The following ESF1 variants were observed in gnomAD, a reference collection of about 807,000 sequenced individuals.
ESF1 encodes ESF1 homolog.
In ESF1, 58 loss-of-function variants were observed where a neutral mutation model predicts 92.0. That is an observed-to-expected ratio of 0.63 (90% CI 0.51 to 0.78). ESF1 has a LOEUF of 0.78. ESF1 is among the 30% of genes least tolerant of loss of function. ESF1 has a pLI of 0.00. For missense variants in ESF1, 922 were observed against 989.1 expected, an observed-to-expected ratio of 0.93 and a Z score of 0.91; for synonymous variants, 321 against 313.7, an observed-to-expected ratio of 1.02 and a Z score of -0.24.
At chr20:13,739,721 C>CAAAA (rs112560154) in intron 9 of ESF1, among the ~76,000 whole-genome samples, 1 of 77,934 alleles carries the variant, frequency 1.3e-5, no homozygotes, top group Admixed American at 1.4e-4. Flanking sequence ...TAAGAAAGTT[C>CAAAA]AAAAAAAAAA....
At chr20:13,775,723 A>G in intron 3 of ESF1, 150 bp downstream of exon 3, 2 of 888,722 alleles carry the variant, frequency 2.3e-6, no homozygotes, top group Non-Finnish European at 3.2e-6. Flanking sequence ...TCTAGTTCAT[A>G]TAATTATATT....
intron 9 of ESF1, among the ~76,000 whole-genome samples, chr20:13,746,078 C>T (rs1303157329): frequency 6.6e-6 from 1 of 152,066 alleles, no homozygotes; most frequent in Admixed American, 6.6e-5. Flanking sequence ...GATTCTCAAG[C>T]CTCAGCCACC....
At chr20:13,759,226 G>T (rs1260547498) in intron 9 of ESF1, among the ~76,000 whole-genome samples, 2 of 152,122 alleles carry the variant, frequency 1.3e-5, no homozygotes, top group African/African-American at 4.8e-5. Flanking sequence ...TTTTGTACTA[G>T]TACTATTTTA....
Position 13,782,098 on chromosome 20 carries a change from G to T in ESF1, c.637+406C>A, listed in dbSNP as rs1600298842. On this transcript the variant is annotated intron_variant, in intron 2 of 13. Transcript: ENST00000617257. ...TCACCATGTTGGCCAGGCTGGTCTTGAACTCCTGACCTCAAGTGATCTGCC... is the reference window on the plus strand; with the variant it reads ...TCACCATGTTGGCCAGGCTGGTCTTTAACTCCTGACCTCAAGTGATCTGCC... Among the ~76,000 whole-genome samples the T allele has an allele frequency of 2.0e-5, 3 of 152,160 alleles. No homozygotes were observed. The South Asian group carries it at 6.2e-4, about 32-fold the overall frequency.
chr20:13,772,573 G>A lies in ESF1; in HGVS notation c.1192C>T (p.Gln398Ter). The A allele has an allele frequency of 6.2e-7, 1 of 1,612,898 alleles. No individual in the cohort carries two copies. The highest frequency in any genetic ancestry group is 8.5e-7 in the Non-Finnish European group (1 of 1,179,468). ...AATAGCTCTACTGGTCCTTGAACTTGCTCTTCCTTCATCCTCTCCTTTCCA... is the reference window on the plus strand; with the variant it reads ...AATAGCTCTACTGGTCCTTGAACTTACTCTTCCTTCATCCTCTCCTTTCCA... ...EFGKERMKEEQVQGPVELLSI... is the reference protein window; with the variant it reads ...EFGKERMKEE The change falls in exon 5 of 14, where the codon CAA becomes TAA. Residue 398 changes from glutamine (Q) to a stop codon, truncating the protein, a stop_gained. Coordinates refer to ENST00000617257, the MANE Select transcript of ESF1 (RefSeq NM_001276380.2). LOFTEE classifies it high-confidence loss of function.
At chr20:13,782,427 T>C (rs1005394135) in intron 2 of ESF1, 77 bp downstream of exon 2, 13 of 1,200,086 alleles carry the variant, frequency 1.1e-5, no homozygotes, top group Non-Finnish European at 1.5e-5. Flanking sequence ...TACTTATTAA[T>C]GTGTTTACAT....
At chr20:13,775,352 C>T (rs576142836) in intron 3 of ESF1, 82 bp from the exon 4 acceptor site, 2 of 823,726 alleles carry the variant, frequency 2.4e-6, no homozygotes, top group East Asian at 2.5e-5. Flanking sequence ...AAATGTAATG[C>T]CTTCTGTCCC....
rs770601325 is a variant in ESF1 at position 13,782,677 on chromosome 20, T to C, written c.464A>G (p.Lys155Arg). Residue 155 changes from lysine (K) to arginine (R), a missense_variant, in exon 2 of 14, where the codon AAG becomes AGG. Coordinates refer to ENST00000617257, the MANE Select transcript of ESF1 (RefSeq NM_001276380.2). ...TTGTGTAAATTCTTTGCTATCCTTCTTCGGACTTATGTTTGAATCTATCTT... is the reference window on the plus strand; with the variant it reads ...TTGTGTAAATTCTTTGCTATCCTTCCTCGGACTTATGTTTGAATCTATCTT... ...KFKIDSNISP[K>R]KDSKEFTQKN... 1 of 1,599,210 alleles carries C rather than the reference T, an allele frequency of 6.3e-7. No homozygotes were observed. The highest frequency in any genetic ancestry group is 1.2e-5 in the South Asian group (1 of 86,496).
At chr20:13,718,073 C>T (rs773278278) in intron 12 of ESF1, among the ~76,000 whole-genome samples, 6 of 151,598 alleles carry the variant, frequency 4.0e-5, no homozygotes, top group African/African-American at 7.3e-5. Context: ...GTATTTTCTA[C>T]CAGCCATGGG....
chr20:13,733,665 C>T, intron 10 of ESF1, 56 bp downstream of exon 10: 1 of 1,544,910 alleles, frequency 6.5e-7, no homozygotes, highest in Non-Finnish European at 8.8e-7. Flanking sequence ...GCACCTGGTA[C>T]CATCTGATAT....
At chr20:13,732,078 C>T (rs1410439254) in intron 10 of ESF1, among the ~76,000 whole-genome samples, 3 of 152,184 alleles carry the variant, frequency 2.0e-5, no homozygotes, top group East Asian at 1.9e-4. Flanking sequence ...AAGAGGGGGT[C>T]GTGGGAACCC....
At position 13,715,046 on chromosome 20, in the gene ESF1, C is replaced by T. The variant is rs140729217; in HGVS notation, c.2384G>A (p.Arg795Gln). Residue 795 changes from arginine (R) to glutamine (Q), a missense_variant, in exon 14 of 14, where the codon CGG (arginine) becomes CAG (glutamine). Coordinates refer to ENST00000617257, the MANE Select transcript of ESF1 (RefSeq NM_001276380.2). ...AMEKILEEKA[R>Q]QRERKEQELT... ...TTCTTGTTCTTTCCGTTCTCTTTGC[C>T]GGGCCTTCTCCTCAAGGATTTTTTC... The T allele has an allele frequency of 9.4e-5, 152 of 1,613,714 alleles. No homozygotes were observed. In the African/African-American group the frequency reaches 1.7e-3, roughly 18 times the overall value.
At chr20:13,761,090 T>G (rs1292232917) in intron 8 of ESF1, among the ~76,000 whole-genome samples, 18 of 152,118 alleles carry the variant, frequency 1.2e-4, no homozygotes. Flanking sequence ...CCCCCAACCC[T>G]GTGCTCTCTG....
rs967013147 is a variant in ESF1 at position 13,782,590 on chromosome 20, T to C, written c.551A>G (p.Lys184Arg). 2 of 1,594,838 alleles carry C rather than the reference T, an allele frequency of 1.3e-6. No homozygotes were observed. The highest frequency in any genetic ancestry group is 2.7e-5 in the African/African-American group (2 of 73,624). ...GGTGCCTGAGTCTAATGTCCTTTGT[T>C]TTTCTTCGAGAGAAGAGTCTGTAGT... ...QHTTDSSLEE[K>R]QRTLDSGTSE... is the part of the protein sequence containing the mutation. Residue 184 changes from lysine (K) to arginine (R), a missense_variant, in exon 2 of 14, where the codon AAA becomes AGA. Coordinates refer to ENST00000617257, the MANE Select transcript of ESF1 (RefSeq NM_001276380.2).
intron 1 of ESF1, among the ~76,000 whole-genome samples, chr20:13,783,666 T>C (rs528242803): frequency 6.6e-6 from 1 of 152,200 alleles, no homozygotes; most frequent in African/African-American, 2.4e-5. Flanking sequence ...AATACAAAAA[T>C]GAGCCCGGCA....
chr20:13,775,346 G>C (rs1040642854), intron 3 of ESF1, 76 bp from the exon 4 acceptor site: 2 of 943,746 alleles, frequency 2.1e-6, no homozygotes, highest in African/African-American at 1.7e-5. Context: ...TTCTAAAAAT[G>C]TAATGCCTTC....
chr20:13,726,351 T>C (rs1442775377), intron 11 of ESF1, among the ~76,000 whole-genome samples: 1 of 152,150 alleles, frequency 6.6e-6, no homozygotes, highest in Non-Finnish European at 1.5e-5. Context: ...TCTCCGACAA[T>C]GCTCCAGCCA....
chr20:13,784,291 C>CCT (rs1010549267), intron 1 of ESF1, among the ~76,000 whole-genome samples: 5 of 147,804 alleles, frequency 3.4e-5, no homozygotes, highest in African/African-American at 1.2e-4. Flanking sequence ...GCAACCCCCC[C>CCT]CCAAAATGAT....
chr20:13,773,731 C>G (rs1229388409), intron 4 of ESF1, among the ~76,000 whole-genome samples: 1 of 152,118 alleles, frequency 6.6e-6, no homozygotes, highest in Non-Finnish European at 1.5e-5. Context: ...AGTTTTTACA[C>G]TTGATCTTAG....
Sources: gnomAD v4.1 joint callset for allele counts (sites outside exome capture counted in the v4.1 genomes callset) on GRCh38, gnomAD v4.1.1 for gene constraint, MANE v1.5 for transcripts, NCBI Gene and HGNC (gene_info 2026-07-23, HGNC 2026-07-21) for gene names.